Variants in ANKRD36C observed in about 807,000 individuals in gnomAD.
ANKRD36C encodes ankyrin repeat domain-containing protein 36C.
ANKRD36C carries 61 observed loss-of-function variants against 276.4 expected under a neutral mutation model. The observed-to-expected ratio is 0.22, with a 90% CI of 0.18 to 0.27. The LOEUF (loss-of-function observed/expected upper bound fraction) is 0.27, where lower values mean the gene tolerates loss of function less well. Ranked by LOEUF, ANKRD36C falls within the 10% of genes least tolerant of loss-of-function variation. The probability of loss-of-function intolerance (pLI) is 1.00; values close to 1 mark genes in which losing one functional copy is unlikely to be tolerated. For missense variants in ANKRD36C, 1,447 were observed against 2,032.3 expected (o/e 0.71, Z 5.54); for synonymous variants, 483 against 680.1 (o/e 0.71, Z 4.51).
At chr2:95,923,771 G>A (rs1303150433) in intron 30 of ANKRD36C, 82 bp from the exon 31 acceptor site, 2 of 1,574,724 alleles carry the variant, frequency 1.3e-6, no homozygotes, top group African/African-American at 1.4e-5. Flanking sequence ...TTAGAATCAA[G>A]CTGTATGCTC....
At chr2:95,957,099 TGAGGTCAG>T (rs1173097109) in intron 12 of ANKRD36C, among the ~76,000 whole-genome samples, 3 of 152,044 alleles carry the variant, frequency 2.0e-5, no homozygotes, top group Admixed American at 6.6e-5. Context: ...GTGGATAACT[TGAGGTCAG>T]GAGTTCGAAA....
intron 59 of ANKRD36C, among the ~76,000 whole-genome samples, chr2:95,873,099 G>C (rs1470174243): frequency 2.6e-5 from 4 of 152,132 alleles, no homozygotes; most frequent in Non-Finnish European, 5.9e-5. Flanking sequence ...CAAGGAGGAA[G>C]TGATACCCTT....
Position 95,867,354 on chromosome 2 carries a change from A to C in ANKRD36C, c.3682+86T>G. On this transcript the variant is annotated intron_variant, in intron 60 of 66. Transcript: ENST00000456556. Reference sequence around the variant, plus strand: ...GAGATGAACATTCTTGTAACATATCAGTACTCTATGGTACAGTGTTAAGCA... The same window carrying C: ...GAGATGAACATTCTTGTAACATATCCGTACTCTATGGTACAGTGTTAAGCA... The C allele has an allele frequency of 6.7e-6, 4 of 596,368 alleles. No individual in the cohort carries two copies. In the East Asian group the frequency reaches 8.4e-5, roughly 13 times the overall value. 36.9% of individuals were successfully genotyped at this position (596,368 alleles called of 1,614,324 possible).
intron 42 of ANKRD36C, among the ~76,000 whole-genome samples, chr2:95,903,305 T>A (rs1403659251): frequency 6.6e-6 from 1 of 150,506 alleles, no homozygotes; most frequent in African/African-American, 2.4e-5. Context: ...ATGGTATGAT[T>A]TGTCATATGC....
chr2:95,879,746 A>G (rs536801799), intron 58 of ANKRD36C, among the ~76,000 whole-genome samples: 80 of 152,276 alleles, frequency 5.3e-4, no homozygotes, highest in African/African-American at 1.6e-3. Context: ...GCTAAAAGCC[A>G]TAATTTTAAT....
chr2:95,982,102 A>C (rs1224609495), intron 4 of ANKRD36C, among the ~76,000 whole-genome samples, 154 bp downstream of exon 4: 1 of 152,170 alleles, frequency 6.6e-6, no homozygotes, highest in East Asian at 1.9e-4. Flanking sequence ...TGTTTTTCTA[A>C]CTAAGGGATG....
chr2:95,927,275 A>G (rs368481529), exon 28 of ANKRD36C: 29 of 1,609,760 alleles, frequency 1.8e-5, no homozygotes, highest in East Asian at 1.3e-4. Context: ...AATCTTTCTC[A>G]TCACTTGTAG....
At chr2:95,863,375 C>A (rs1675624550) in intron 60 of ANKRD36C, among the ~76,000 whole-genome samples, 2 of 152,070 alleles carry the variant, frequency 1.3e-5, no homozygotes, top group African/African-American at 2.4e-5. Flanking sequence ...ACTCCAGACC[C>A]AGCTGGCTAT....
chr2:95,933,786 T>C (rs878895047), intron 24 of ANKRD36C, among the ~76,000 whole-genome samples: 1 of 152,302 alleles, frequency 6.6e-6, no homozygotes, highest in African/African-American at 2.4e-5. Flanking sequence ...CTGATTGCCC[T>C]GGCCAGAACT....
At chr2:95,980,731 A>G (rs1353760780) in exon 5 of ANKRD36C, 1 of 1,610,354 alleles carries the variant, frequency 6.2e-7, no homozygotes, top group Non-Finnish European at 8.5e-7. Context: ...TGTGCTGCAG[A>G]AGAAGAATGA....
chr2:95,884,483 T>C, intron 52 of ANKRD36C, 115 bp from the exon 73 acceptor site: 1 of 1,534,084 alleles, frequency 6.5e-7, no homozygotes, highest in Admixed American at 1.7e-5. Context: ...GGGTAGGATT[T>C]GATGTTTCCT....
intron 54 of ANKRD36C, among the ~76,000 whole-genome samples, chr2:95,883,251 A>G (rs1393688770): frequency 6.6e-6 from 1 of 152,152 alleles, no homozygotes; most frequent in African/African-American, 2.4e-5. Context: ...CAAGCATTAG[A>G]TATGAATAAC....
At chr2:95,916,685 C>T (rs1240026031) in intron 36 of ANKRD36C, among the ~76,000 whole-genome samples, 1 of 151,614 alleles carries the variant, frequency 6.6e-6, no homozygotes, top group Non-Finnish European at 1.5e-5. Flanking sequence ...GTGGAAGTGT[C>T]CTAAATTGAT....
chr2:95,990,141 T>G (rs931851651), intron 1 of ANKRD36C, among the ~76,000 whole-genome samples: 2 of 152,228 alleles, frequency 1.3e-5, no homozygotes, highest in Non-Finnish European at 2.9e-5. Context: ...TTTTTTCTGT[T>G]ATCTCTTATT....
chr2:95,895,708 T>G (rs908082209), intron 44 of ANKRD36C, 118 bp from the exon 61 acceptor site: 3 of 1,510,960 alleles, frequency 2.0e-6, no homozygotes, highest in African/African-American at 1.4e-5. Flanking sequence ...GAGGCTTTCA[T>G]GGCTTCTACT....
At chr2:95,927,706 CAG>C (rs1677446653) in intron 26 of ANKRD36C, among the ~76,000 whole-genome samples, 1 of 151,552 alleles carries the variant, frequency 6.6e-6, no homozygotes, top group South Asian at 2.1e-4. Context: ...GAGGACAAAT[CAG>C]AGGAGTAACT....
At chr2:95,908,608 T>C in intron 42 of ANKRD36C, 34 bp from the exon 48 acceptor site, 1 of 1,563,634 alleles carries the variant, frequency 6.4e-7, no homozygotes, top group Non-Finnish European at 8.7e-7. Flanking sequence ...AATAAATTAA[T>C]AAAGTATGTT....
chr2:95,862,208 T>C (rs1675602410), intron 60 of ANKRD36C, among the ~76,000 whole-genome samples: 1 of 152,024 alleles, frequency 6.6e-6, no homozygotes, highest in Non-Finnish European at 1.5e-5. Flanking sequence ...TCAGCGAGAA[T>C]AGACTTGAAC....
intron 54 of ANKRD36C, among the ~76,000 whole-genome samples, chr2:95,882,882 A>G (rs1309372617): frequency 6.6e-6 from 1 of 152,164 alleles, no homozygotes; most frequent in Non-Finnish European, 1.5e-5. Flanking sequence ...TTCATGCAAG[A>G]CATCAGAAGG....
Sources: allele counts gnomAD v4.1 joint callset (sites outside exome capture counted in the v4.1 genomes callset), GRCh38; gene constraint gnomAD v4.1.1; transcripts MANE v1.5; gene names NCBI Gene and HGNC (gene_info 2026-07-23, HGNC 2026-07-21).